The following PCDHGB3 variants were observed in gnomAD, a reference collection of about 807,000 sequenced individuals.
PCDHGB3 encodes protocadherin gamma subfamily B, 3.
PCDHGB3 carries 40 observed loss-of-function variants against 59.2 expected under a neutral mutation model. That is an observed-to-expected ratio of 0.68 (90% confidence interval 0.52 to 0.88). The LOEUF (loss-of-function observed/expected upper bound fraction) is 0.88. Ranked by LOEUF, PCDHGB3 falls within the 40% of genes least tolerant of loss-of-function variation. PCDHGB3 has a pLI of 0.00. For synonymous variants in PCDHGB3, 581 were observed against 503.6 expected (o/e 1.15, Z -2.06); for missense variants, 1,309 against 1,187.9 (o/e 1.10, Z -1.50).
intron 1 of PCDHGB3, chr5:141,405,449 T>A: frequency 6.2e-6 from 8 of 1,283,878 alleles, no homozygotes; most frequent in South Asian, 1.4e-5. Context: ...AGACAGAGTC[T>A]TACTCTGTTA....
Position 141,433,020 on chromosome 5 carries a change from C to T in PCDHGB3, c.2415+60211C>T, listed in dbSNP as rs761127608. 1.1e-5 allele frequency: 17 copies of T among 1,614,152 alleles called. No individual in the cohort carries two copies. The South Asian group carries it at 1.9e-4, about 18-fold the overall frequency. On this transcript the variant is annotated intron_variant, in intron 1 of 3. Coordinates refer to ENST00000576222, the MANE Select transcript of PCDHGB3 (RefSeq NM_018924.5). ...GTGCAGGCTTTCCTGCAGACCTATTCCCACGAGGTTTCCCTCACCACGGAC... is the reference window on the plus strand; with the variant it reads ...GTGCAGGCTTTCCTGCAGACCTATTTCCACGAGGTTTCCCTCACCACGGAC...
rs1589038346 is a variant in PCDHGB3, at chr5:141,387,562, C to T, written c.2415+14753C>T. The T allele has an allele frequency of 6.9e-6, 3 of 437,514 alleles. No individual in the cohort carries two copies. The Admixed American group carries it at 1.2e-4, about 17-fold the overall frequency. The allele number at this position is 437,514 out of a possible 1,614,324, so 27.1% of individuals were successfully genotyped here. A position where few individuals can be genotyped will look rare whatever the true frequency, so the allele number is the denominator to read the frequency against. ...GTTTTTGTTCTTTCAGTTAGGCACA[C>T]AATTATAATTATTGCACTGGTTAAC... On this transcript the variant is annotated intron_variant, in intron 1 of 3. Transcript: ENST00000576222.
chr5:141,485,619 G>A lies in PCDHGB3; in HGVS notation c.2416-9188G>A. On this transcript the variant is annotated intron_variant, in intron 1 of 3. Coordinates refer to ENST00000576222, the MANE Select transcript of PCDHGB3 (RefSeq NM_018924.5). This position sits in a 1 kb window ranked among gnomAD's most constrained non-coding sequence, Gnocchi z 5.7. ...GAAATTGGGGAGGCAGCTCCTCCAG[G>A]ACAGCGTTTCCCGTTGGAAAAGGCT... 3 of 1,612,234 alleles carry A rather than the reference G, an allele frequency of 1.9e-6. No homozygotes were observed. The highest frequency in any genetic ancestry group is 2.5e-6 in the Non-Finnish European group (3 of 1,178,678).
In PCDHGB3 at chr5:141,432,866, G is replaced by A; in HGVS notation, c.2415+60057G>A. The A allele has an allele frequency of 6.2e-7, 1 of 1,614,152 alleles. No individual in the cohort carries two copies. The highest frequency in any genetic ancestry group is 8.5e-7 in the Non-Finnish European group (1 of 1,180,008). On this transcript the variant is annotated intron_variant, in intron 1 of 3. Transcript: ENST00000576222. This position sits in a 1 kb window ranked among gnomAD's most constrained non-coding sequence, Gnocchi z 6.0. ...GGTAGCGGTGGCCGCGGTCTCCTGC[G>A]TCTTCCTGGCCTTCGTCATCTTGCT...
intron 1 of PCDHGB3, among the ~76,000 whole-genome samples, chr5:141,452,522 A>G (rs924248463): frequency 6.6e-6 from 1 of 152,310 alleles, no homozygotes; most frequent in African/African-American, 2.4e-5. Context: ...CTCCCTCAAA[A>G]TCGTGAGTTC....
Position 141,490,491 on chromosome 5 carries a change from A to T in PCDHGB3, c.2416-4316A>T. 1 of 1,614,098 alleles carries T rather than the reference A, an allele frequency of 6.2e-7. No individual in the cohort carries two copies. Among genetic ancestry groups the T allele is most frequent in the Non-Finnish European group, 8.5e-7 (1 of 1,180,022 alleles). ...GCCAGCCTTTGGACCGGGAGGCCAC[A>T]TCCCACTATATCATCGAGCTGCTGG... On this transcript the variant is annotated intron_variant, in intron 1 of 3. Coordinates refer to ENST00000576222, the MANE Select transcript of PCDHGB3 (RefSeq NM_018924.5). This position sits in a 1 kb window ranked among gnomAD's most constrained non-coding sequence, Gnocchi z 5.4.
In PCDHGB3 at chr5:141,489,365, G is replaced by A. The variant is rs774363104; in HGVS notation, c.2416-5442G>A. ...TCAGTGGTGGAGGAGTCTGAGCCGG[G>A]GACGCTGGTGGGGAATGTTGCTCAG... On this transcript the variant is annotated intron_variant, in intron 1 of 3. Transcript: ENST00000576222. The surrounding 1 kb of genome is among the most constrained non-coding windows in gnomAD (Gnocchi z 4.5). The A allele has an allele frequency of 6.2e-7, 1 of 1,613,512 alleles. No individual in the cohort carries two copies.
chr5:141,455,897 T>C (rs1330516646), intron 1 of PCDHGB3, among the ~76,000 whole-genome samples: 1 of 149,800 alleles, frequency 6.7e-6, no homozygotes, highest in African/African-American at 2.4e-5. Flanking sequence ...ATTTATTTAT[T>C]TATTTATTTA....
chr5:141,404,180 C>A (rs774534952), intron 1 of PCDHGB3: 10 of 1,613,196 alleles, frequency 6.2e-6, no homozygotes, highest in Non-Finnish European at 8.5e-6. Flanking sequence ...GGCCCAAATT[C>A]TTGACCGAGA....
At chr5:141,419,723 C>A in intron 1 of PCDHGB3, 6 of 1,613,292 alleles carry the variant, frequency 3.7e-6, no homozygotes, top group Non-Finnish European at 5.1e-6. Flanking sequence ...CCTGGGGCTG[C>A]GAACAGGCGA....
intron 3 of PCDHGB3, 77 bp downstream of exon 3, chr5:141,505,558 C>T (rs945428797): frequency 3.7e-6 from 6 of 1,605,016 alleles, no homozygotes; most frequent in African/African-American, 1.3e-5. Context: ...ACCATGCCCA[C>T]GGACTGGATG....
At chr5:141,421,435 A>G (rs775839500) in intron 1 of PCDHGB3, 3 of 1,614,108 alleles carry the variant, frequency 1.9e-6, no homozygotes, top group East Asian at 4.5e-5. Context: ...CATCGTCTCC[A>G]GAGGGAAGAC....
rs755409676 is a variant in PCDHGB3 at position 141,383,729 on chromosome 5, T to C, written c.2415+10920T>C. 7 of 1,613,984 alleles carry C rather than the reference T, an allele frequency of 4.3e-6. No homozygotes were observed. In the South Asian group the frequency reaches 6.6e-5, roughly 15 times the overall value. ...CTGGACGAGGGAGTCAATGGGGAAG[T>C]GACATATTCTTTTCGGAAAATAACT... On this transcript the variant is annotated intron_variant, in intron 1 of 3. Transcript: ENST00000576222.
At chr5:141,508,859 G>C (rs1268915304) in intron 3 of PCDHGB3, among the ~76,000 whole-genome samples, 1 of 152,086 alleles carries the variant, frequency 6.6e-6, no homozygotes, top group Non-Finnish European at 1.5e-5. Flanking sequence ...CCCAGGCTGG[G>C]AAAGGCTGAA....
At chr5:141,478,497 C>T in intron 1 of PCDHGB3, 1 of 1,612,820 alleles carries the variant, frequency 6.2e-7, no homozygotes, top group Non-Finnish European at 8.5e-7. Context: ...AGCTGTGATC[C>T]GGTGTTCTAT....
Position 141,477,230 on chromosome 5 carries a change from G to A in PCDHGB3, c.2416-17577G>A, listed in dbSNP as rs768648952. The A allele has an allele frequency of 1.3e-5, 21 of 1,614,164 alleles. No individual in the cohort carries two copies. The highest frequency in any genetic ancestry group is 1.8e-5 in the Non-Finnish European group (21 of 1,180,046). On this transcript the variant is annotated intron_variant, in intron 1 of 3. Coordinates refer to ENST00000576222, the MANE Select transcript of PCDHGB3 (RefSeq NM_018924.5). This position sits in a 1 kb window ranked among gnomAD's most constrained non-coding sequence, Gnocchi z 4.9. ...GGATGCCCCTCTGGGGACTGTCATC[G>A]CTTTGCTCAGTGTGACTGACCTGGA...
rs768206517 is a variant in PCDHGB3, at chr5:141,432,482, G to A, written c.2415+59673G>A. 10 of 1,614,060 alleles carry A rather than the reference G, an allele frequency of 6.2e-6. No homozygotes were observed. The highest frequency in any genetic ancestry group is 1.3e-5 in the African/African-American group (1 of 74,946). On this transcript the variant is annotated intron_variant, in intron 1 of 3. Coordinates refer to ENST00000576222, the MANE Select transcript of PCDHGB3 (RefSeq NM_018924.5). The surrounding 1 kb of genome is among the most constrained non-coding windows in gnomAD (Gnocchi z 6.0). ...CCTCCCCACGGACGGTTCCACTGGC[G>A]TGGAGCTGGCTCCCCGCTCCGCAGA...
intron 1 of PCDHGB3, chr5:141,409,917 C>G: frequency 6.2e-7 from 1 of 1,613,376 alleles, no homozygotes; most frequent in South Asian, 1.1e-5. Flanking sequence ...CCTGACGGCT[C>G]CGCGTTCTTC....
At position 141,487,741 on chromosome 5, in the gene PCDHGB3, A is replaced by C. The variant is rs773413559; in HGVS notation, c.2416-7066A>C. 1.6e-4 allele frequency: 247 copies of C among 1,561,638 alleles called. 1 individual carries two copies. The highest frequency in any genetic ancestry group is 2.1e-4 in the Non-Finnish European group (244 of 1,151,698). On this transcript the variant is annotated intron_variant, in intron 1 of 3. Coordinates refer to ENST00000576222, the MANE Select transcript of PCDHGB3 (RefSeq NM_018924.5). This position sits in a 1 kb window ranked among gnomAD's most constrained non-coding sequence, Gnocchi z 5.0. ...ATAGTGATGTCACCATTTTTGTAAG[A>C]GGTAACTATGTGGTAGACGCTGTGC... is the stretch of plus-strand genomic sequence containing the variant.
Sources: gnomAD v4.1 joint callset for allele counts (sites outside exome capture counted in the v4.1 genomes callset) on GRCh38, gnomAD v4.1.1 for gene constraint, Gnocchi (gnomAD v3.1) non-coding constraint, MANE v1.5 for transcripts, NCBI Gene and HGNC (gene_info 2026-07-23, HGNC 2026-07-21) for gene names.